The following SUGCT variants were observed in gnomAD, a reference collection of about 807,000 sequenced individuals.
The protein encoded by SUGCT is succinyl-CoA:glutarate CoA-transferase.
A neutral mutation model predicts 55.0 loss-of-function variants in SUGCT; 41 were observed. That is an observed-to-expected ratio of 0.74 (90% CI 0.58 to 0.97). SUGCT has a LOEUF of 0.97. SUGCT is among the 50% of genes least tolerant of loss of function. The pLI is 0.00. For missense variants in SUGCT, 568 were observed against 547.8 expected (o/e 1.04, Z -0.37); for synonymous variants, 187 against 200.4 (o/e 0.93, Z 0.56).
intron 9 of SUGCT, among the ~76,000 whole-genome samples, chr7:40,332,515 T>TC (rs146060102): frequency 0.011 from 1,689 of 151,654 alleles, 25 homozygotes; most frequent in African/African-American, 0.039. Flanking sequence ...TTAAAATGCA[T>TC]CTCAAGAAAC....
intron 9 of SUGCT, among the ~76,000 whole-genome samples, chr7:40,384,863 A>G (rs1785036575): frequency 6.6e-6 from 1 of 152,062 alleles, no homozygotes; most frequent in Non-Finnish European, 1.5e-5. Flanking sequence ...CATTCATTCT[A>G]CAAAGGCGTA....
intron 1 of SUGCT, among the ~76,000 whole-genome samples, chr7:40,161,321 A>G (rs1784135071): frequency 6.6e-6 from 1 of 152,030 alleles, no homozygotes; most frequent in Non-Finnish European, 1.5e-5. Context: ...TTTCCCTTCT[A>G]TTCCTCCGTG....
chr7:40,807,313 G>C (rs149940475), intron 13 of SUGCT, among the ~76,000 whole-genome samples: 1 of 152,248 alleles, frequency 6.6e-6, no homozygotes, highest in East Asian at 1.9e-4. Flanking sequence ...TGTTGCACCT[G>C]TCAAACCATC....
At chr7:40,529,231 C>G (rs1793960232) in intron 12 of SUGCT, among the ~76,000 whole-genome samples, 1 of 152,184 alleles carries the variant, frequency 6.6e-6, no homozygotes, top group South Asian at 2.1e-4. Context: ...ATTCCAGAAC[C>G]TGGGGGAGGT....
intron 9 of SUGCT, among the ~76,000 whole-genome samples, chr7:40,318,313 G>T (rs756400691): frequency 3.3e-5 from 5 of 152,144 alleles, no homozygotes; most frequent in Non-Finnish European, 5.9e-5. Flanking sequence ...TAGGTCAAGG[G>T]TCTGATCAAC....
chr7:40,765,326 G>A (rs905896390), intron 13 of SUGCT, among the ~76,000 whole-genome samples: 1 of 151,892 alleles, frequency 6.6e-6, no homozygotes, highest in African/African-American at 2.4e-5. Context: ...CTATGGAATT[G>A]GATTCTCTTC....
chr7:40,604,996 G>A lies in SUGCT; in HGVS notation c.1089+108610G>A, dbSNP rs930599604. On this transcript the variant is annotated intron_variant, in intron 12 of 13. Transcript: ENST00000335693. ...CTGCCAGCCCGCTTTGATGGCCGGCGTTGCACGGTATTGGGGGCTGTGTGC... is the reference window on the plus strand; with the variant it reads ...CTGCCAGCCCGCTTTGATGGCCGGCATTGCACGGTATTGGGGGCTGTGTGC... 2.6e-5 allele frequency among the ~76,000 whole-genome samples: 4 copies of A among 152,218 alleles called. No individual in the cohort carries two copies. In the East Asian group the frequency reaches 7.7e-4, roughly 29 times the overall value.
intron 9 of SUGCT, among the ~76,000 whole-genome samples, chr7:40,375,385 G>A (rs1260452671): frequency 1.3e-5 from 2 of 152,306 alleles, no homozygotes; most frequent in East Asian, 3.9e-4. Flanking sequence ...GGGAAGACTT[G>A]TCTGAGTCCA....
At chr7:40,772,503 TATCTATC>T (rs1562993852) in intron 13 of SUGCT, among the ~76,000 whole-genome samples, 5 of 40,192 alleles carry the variant, frequency 1.2e-4, no homozygotes, top group Non-Finnish European at 1.8e-4. Context: ...AATATCTATC[TATCTATC>T]TATCTATCTA....
At chr7:40,302,704 C>T (rs368952018) in intron 8 of SUGCT, among the ~76,000 whole-genome samples, 1 of 152,152 alleles carries the variant, frequency 6.6e-6, no homozygotes, top group Non-Finnish European at 1.5e-5. Context: ...CAGGCCCACT[C>T]AAGATAATCT....
chr7:40,510,578 G>A (rs1792869683), intron 12 of SUGCT, among the ~76,000 whole-genome samples: 1 of 152,228 alleles, frequency 6.6e-6, no homozygotes, highest in Non-Finnish European at 1.5e-5. Flanking sequence ...ATCCTGGAAC[G>A]TCTTGTGGTT....
At chr7:40,598,891 G>T (rs887957576) in intron 12 of SUGCT, among the ~76,000 whole-genome samples, 7 of 152,176 alleles carry the variant, frequency 4.6e-5, no homozygotes, top group African/African-American at 1.7e-4. Context: ...GAGAATATTA[G>T]ACCGTCAAAA....
intron 9 of SUGCT, among the ~76,000 whole-genome samples, chr7:40,411,860 G>A (rs4723961): frequency 0.69 from 104,402 of 152,016 alleles, 36,274 homozygotes; most frequent in East Asian, 0.99. Context: ...TTACATGAAC[G>A]TATCAAATTT....
chr7:40,507,805 C>T (rs1225151804), intron 12 of SUGCT, among the ~76,000 whole-genome samples: 1 of 152,190 alleles, frequency 6.6e-6, no homozygotes. Context: ...ATTACCCCTT[C>T]TTGGTAAAGC....
At chr7:40,381,541 G>A (rs879405373) in intron 9 of SUGCT, among the ~76,000 whole-genome samples, 2 of 151,920 alleles carry the variant, frequency 1.3e-5, no homozygotes, top group Non-Finnish European at 2.9e-5. Flanking sequence ...CTGTTGACTC[G>A]TGGTTCCGAA....
chr7:40,288,181 C>T (rs1230115836), intron 8 of SUGCT, among the ~76,000 whole-genome samples: 1 of 151,992 alleles, frequency 6.6e-6, no homozygotes, highest in East Asian at 1.9e-4. Context: ...TAACATTTGC[C>T]TCATAGAAAG....
At chr7:40,935,962 G>A in the SUGCT span, among the ~76,000 whole-genome samples, 2 of 152,038 alleles carry the variant, frequency 1.3e-5, no homozygotes, top group Non-Finnish European at 2.9e-5. Flanking sequence ...AATATTTTCT[G>A]TGGTTTTGAT....
At chr7:40,206,140 T>C (rs1193451302) in intron 6 of SUGCT, among the ~76,000 whole-genome samples, 1 of 152,200 alleles carries the variant, frequency 6.6e-6, no homozygotes, top group African/African-American at 2.4e-5. Flanking sequence ...TGCCAGGACT[T>C]AGCCACCATC....
the SUGCT span, among the ~76,000 whole-genome samples, chr7:40,953,835 G>A: frequency 3.3e-5 from 5 of 152,196 alleles, no homozygotes; most frequent in African/African-American, 4.8e-5. Context: ...AGGGGTACCC[G>A]GCCACGTGAA....
Sources: allele counts gnomAD v4.1 joint callset (sites outside exome capture counted in the v4.1 genomes callset), GRCh38; gene constraint gnomAD v4.1.1; transcripts MANE v1.5; gene names NCBI Gene and HGNC (gene_info 2026-07-23, HGNC 2026-07-21).